The following ACAD9 variants were observed in gnomAD, a reference collection of about 807,000 sequenced individuals.
ACAD9 encodes the protein acyl-CoA dehydrogenase family member 9.
ACAD9 carries 53 observed loss-of-function variants against 70.2 expected under a neutral mutation model. That is an observed-to-expected ratio of 0.75 (90% CI 0.61 to 0.95). ACAD9 has a LOEUF of 0.95. Among genes scored for constraint, ACAD9 ranks in the 40% least tolerant of loss-of-function variants. ACAD9 has a pLI of 0.00. For missense variants in ACAD9, 777 were observed against 802.8 expected (o/e 0.97, Z 0.39); for synonymous variants, 313 against 312.1 (o/e 1.00, Z -0.03).
intron 12 of ACAD9, among the ~76,000 whole-genome samples, chr3:128,907,248 G>A (rs1935919437): frequency 6.6e-6 from 1 of 152,128 alleles, no homozygotes; most frequent in Non-Finnish European, 1.5e-5. Context: ...GGCTGCTTTT[G>A]TTCCTGGCCT....
chr3:128,909,603 G>C (rs965918856), intron 15 of ACAD9, 182 bp downstream of exon 15: 1 of 680,876 alleles, frequency 1.5e-6, no homozygotes, highest in South Asian at 1.7e-5. Flanking sequence ...TTAGCTACTC[G>C]GATGGGTACC....
intron 9 of ACAD9, among the ~76,000 whole-genome samples, chr3:128,903,505 C>T (rs958846404): frequency 9.2e-5 from 14 of 152,168 alleles, no homozygotes; most frequent in Non-Finnish European, 1.6e-4. Flanking sequence ...CTGTGGAGGA[C>T]ATGGCTATGG....
At chr3:128,898,415 T>C (rs1935630671) in intron 6 of ACAD9, 2 of 453,712 alleles carry the variant, frequency 4.4e-6, no homozygotes, top group Non-Finnish European at 8.8e-6. Flanking sequence ...ATAATTTCTC[T>C]TTTCTTTTGA....
At chr3:128,901,417 T>G in intron 8 of ACAD9, 68 bp downstream of exon 8, 4 of 1,557,526 alleles carry the variant, frequency 2.6e-6, no homozygotes, top group Non-Finnish European at 3.5e-6. Flanking sequence ...CCCCAGCTTT[T>G]GCCCTATCCC....
At chr3:128,899,209 G>A (rs546029755) in intron 6 of ACAD9, 78 bp from the exon 7 acceptor site, 2 of 1,516,390 alleles carry the variant, frequency 1.3e-6, no homozygotes, top group African/African-American at 1.4e-5. Context: ...GGCAGCTGGA[G>A]CTTGATGGAC....
At chr3:128,906,331 G>C in intron 12 of ACAD9, 82 bp downstream of exon 12, 2 of 1,583,324 alleles carry the variant, frequency 1.3e-6, no homozygotes, top group Non-Finnish European at 1.7e-6. Flanking sequence ...GCCTCGCAGA[G>C]GCCCCCGCAG....
intron 1 of ACAD9, among the ~76,000 whole-genome samples, chr3:128,882,878 G>T (rs993101879): frequency 2.6e-5 from 4 of 152,150 alleles, no homozygotes; most frequent in Non-Finnish European, 5.9e-5. Context: ...AATCTCTCCT[G>T]TGTGGCAGGT....
At chr3:128,890,377 C>T (rs113519807) in intron 2 of ACAD9, among the ~76,000 whole-genome samples, 49 of 152,178 alleles carry the variant, frequency 3.2e-4, no homozygotes, top group African/African-American at 1.1e-3. Flanking sequence ...AGAGCCACCT[C>T]GCCCAGCCTG....
intron 1 of ACAD9, among the ~76,000 whole-genome samples, chr3:128,881,049 C>G (rs1935077688): frequency 6.6e-6 from 1 of 152,226 alleles, no homozygotes; most frequent in Non-Finnish European, 1.5e-5. Context: ...TATTCCCTGG[C>G]TTCTCTTTGG....
chr3:128,885,538 C>T (rs1194837836), intron 2 of ACAD9, among the ~76,000 whole-genome samples: 3 of 152,074 alleles, frequency 2.0e-5, no homozygotes, highest in African/African-American at 2.4e-5. Flanking sequence ...ACTACAGGTG[C>T]GCACCCCCAT....
At chr3:128,885,998 C>CAA (rs1692791594) in intron 2 of ACAD9, among the ~76,000 whole-genome samples, 1 of 146,812 alleles carries the variant, frequency 6.8e-6, no homozygotes, top group African/African-American at 2.5e-5. Context: ...GCCTGGGTGA[C>CAA]AGAGTGTGAC....
intron 17 of ACAD9, among the ~76,000 whole-genome samples, chr3:128,911,284 C>G (rs765553179): frequency 2.0e-5 from 3 of 152,160 alleles, no homozygotes; most frequent in Non-Finnish European, 4.4e-5. Flanking sequence ...TCTCCAACTC[C>G]TGACCTCAGG....
At chr3:128,884,071 G>A (rs1425147522) in intron 1 of ACAD9, among the ~76,000 whole-genome samples, 1 of 152,232 alleles carries the variant, frequency 6.6e-6, no homozygotes, top group Admixed American at 6.5e-5. Context: ...CTGTGAGCAG[G>A]AGAGACAGCG....
chr3:128,904,504 A>G lies in ACAD9; in HGVS notation c.1148A>G (p.Lys383Arg), dbSNP rs1263865957. Residue 383 changes from lysine to arginine, a missense_variant and splice_region_variant, in exon 11 of 18, where the codon AAG becomes AGG. By Grantham distance (26) the Lys-to-Arg change is conservative. Transcript: ENST00000308982. ...PDCSIEAAMV[K>R]VFSSEAAWQC... The stretch of plus-strand genomic sequence containing the variant: ...TGCTCCATCGAGGCAGCCATGGTGA[A>G]GGTAACCCTGGCATAGCCAGAGAGC... 1.2e-6 allele frequency: 2 copies of G among 1,613,732 alleles called. No individual in the cohort carries two copies. Among genetic ancestry groups the G allele is most frequent in the Non-Finnish European group, 1.7e-6 (2 of 1,179,994 alleles).
chr3:128,894,790 C>G (rs1454010416), intron 3 of ACAD9, among the ~76,000 whole-genome samples: 1 of 152,008 alleles, frequency 6.6e-6, no homozygotes, highest in Non-Finnish European at 1.5e-5. Flanking sequence ...CCACCTCAGC[C>G]TCCCAAAGCG....
At chr3:128,899,583 G>A in intron 7 of ACAD9, 122 bp downstream of exon 7, 1 of 1,129,512 alleles carries the variant, frequency 8.9e-7, no homozygotes, top group South Asian at 1.6e-5. Context: ...ACTGGCCCTT[G>A]ACTCTGTCCA....
chr3:128,908,365 G>C lies in ACAD9; in HGVS notation c.1358+101G>C. On this transcript the variant is annotated intron_variant, in intron 13 of 17. Coordinates refer to ENST00000308982, the MANE Select transcript of ACAD9 (RefSeq NM_014049.5). ...AAAGAGCTGCCTTGACCTGGAGTGG[G>C]GGCATGGGGGTGTGGCGCAGCCTTG... 5 of 1,385,666 alleles carry C rather than the reference G, an allele frequency of 3.6e-6. No homozygotes were observed. In the South Asian group the frequency reaches 4.6e-5, roughly 13 times the overall value. 85.8% of individuals were successfully genotyped at this position (1,385,666 alleles called of 1,614,324 possible). A position where few individuals can be genotyped will look rare whatever the true frequency, so the allele number is the denominator to read the frequency against.
At chr3:128,910,614 T>A (rs560934076) in intron 16 of ACAD9, 127 bp from the exon 17 acceptor site, 20 of 1,012,080 alleles carry the variant, frequency 2.0e-5, no homozygotes, top group Non-Finnish European at 3.1e-5. Context: ...CAAGACGGGG[T>A]GACTCCTGTG....
rs760510400 is a variant in ACAD9, at chr3:128,913,068, G to A, written c.*461G>A. ...CAGAGGCACTTAAAACATGTACCAGGAACCATTTAACAAAGAATATAAAAT... is the reference window on the plus strand; with the variant it reads ...CAGAGGCACTTAAAACATGTACCAGAAACCATTTAACAAAGAATATAAAAT... On this transcript the variant is annotated 3_prime_UTR_variant, in exon 18 of 18. Transcript: ENST00000308982. 3.1e-5 allele frequency: 14 copies of A among 454,406 alleles called. No homozygotes were observed. Among genetic ancestry groups the A allele is most frequent in the Admixed American group, 1.4e-4 (6 of 42,562 alleles). The allele number at this position is 454,406 out of a possible 1,614,324, so 28.1% of individuals were successfully genotyped here.
Sources: gnomAD v4.1 joint callset for allele counts (sites outside exome capture counted in the v4.1 genomes callset) on GRCh38, gnomAD v4.1.1 for gene constraint, MANE v1.5 for transcripts, NCBI Gene and HGNC (gene_info 2026-07-23, HGNC 2026-07-21) for gene names.